MYCBP2: variants seen among roughly 807,000 people sequenced by gnomAD.
The protein encoded by MYCBP2 is MYC binding protein 2.
MYCBP2 carries 120 observed loss-of-function variants against 525.3 expected under a neutral mutation model. The ratio of observed to expected loss-of-function variants is 0.23; its 90% CI spans 0.20 to 0.27. The LOEUF (loss-of-function observed/expected upper bound fraction) is 0.27, where lower values mean the gene tolerates loss of function less well. Among genes scored for constraint, MYCBP2 ranks in the 10% least tolerant of loss-of-function variants. The pLI, the probability that MYCBP2 is intolerant of heterozygous loss-of-function variation, is 1.00. For synonymous variants in MYCBP2, 1,894 were observed against 1,955.8 expected (o/e 0.97, Z 0.83); for missense variants, 4,149 against 5,657.1 (o/e 0.73, Z 8.55).
At chr13:77,285,604 T>C (rs932345090) in intron 3 of MYCBP2, among the ~76,000 whole-genome samples, 1 of 152,102 alleles carries the variant, frequency 6.6e-6, no homozygotes, top group African/African-American at 2.4e-5. Context: ...TTTACCAACA[T>C]GGAGAAACCC....
chr13:77,302,737 A>G (rs1057304840), intron 1 of MYCBP2, among the ~76,000 whole-genome samples: 4 of 152,214 alleles, frequency 2.6e-5, no homozygotes, highest in Admixed American at 2.0e-4. Flanking sequence ...CACACTCTCC[A>G]GTGTCCCAAA....
chr13:77,294,131 C>CATATATATATATATATATATACAT, intron 2 of MYCBP2, among the ~76,000 whole-genome samples: 4,058 of 65,442 alleles, frequency 0.062, 364 homozygotes, highest in Non-Finnish European at 0.092. Flanking sequence ...TATATATATA[C>CATATATATATATATATATATACAT]ATATATATAT....
At chr13:77,193,282 AT>A (rs1323425913) in intron 27 of MYCBP2, among the ~76,000 whole-genome samples, 3 of 152,206 alleles carry the variant, frequency 2.0e-5, no homozygotes, top group Admixed American at 1.3e-4. Context: ...TACTAAAAAA[AT>A]CTTGCGATAT....
chr13:77,326,652 G>T lies in MYCBP2; in HGVS notation c.124C>A (p.Pro42Thr), dbSNP rs1427586106. 6.6e-7 allele frequency: 1 copy of T among 1,510,366 alleles called. No individual in the cohort carries two copies. Among genetic ancestry groups the T allele is most frequent in the Non-Finnish European group, 8.8e-7 (1 of 1,133,996 alleles). The allele number at this position is 1,510,366 out of a possible 1,614,324, so 93.6% of individuals were successfully genotyped here. Residue 42 changes from proline to threonine, a missense_variant, in exon 1 of 83, where the codon CCC becomes ACC. By Grantham distance (38) the Pro-to-Thr change is conservative. Around this residue, in one of 21 missense-constraint regions of MYCBP2, gnomAD observed 413 missense variants for 451.2 expected, o/e 0.92. Coordinates refer to ENST00000544440, the MANE Select transcript of MYCBP2 (RefSeq NM_015057.5). The surrounding 1 kb of genome is among the most constrained non-coding windows in gnomAD (Gnocchi z 4.2). ...CCCGCAGCAGCCACGGAGCCGTCGG[G>T]AACCGGCATGAACAGCGCCCCCGGC... The part of the protein sequence containing the change: ...PAPGALFMPV[P>T]DGSVAAAGLG...
intron 2 of MYCBP2, among the ~76,000 whole-genome samples, chr13:77,290,659 A>G (rs1404655604): frequency 6.6e-6 from 1 of 152,222 alleles, no homozygotes; most frequent in Non-Finnish European, 1.5e-5. Flanking sequence ...TAAAATGGCA[A>G]AATTATAAAT....
chr13:77,279,881 T>C (rs1473848826), intron 3 of MYCBP2, among the ~76,000 whole-genome samples: 4 of 152,200 alleles, frequency 2.6e-5, no homozygotes, highest in Non-Finnish European at 4.4e-5. Context: ...CATTACAGTA[T>C]AACTATTTTT....
chr13:77,117,648 A>G (rs1378005675), intron 55 of MYCBP2, among the ~76,000 whole-genome samples: 2 of 152,198 alleles, frequency 1.3e-5, no homozygotes, highest in African/African-American at 4.8e-5. Context: ...ATGTGTTTAT[A>G]TATTGTATAG....
intron 3 of MYCBP2, among the ~76,000 whole-genome samples, chr13:77,279,474 T>C (rs928274267): frequency 1.3e-5 from 2 of 152,126 alleles, no homozygotes; most frequent in Non-Finnish European, 2.9e-5. Flanking sequence ...CAAATTGCAA[T>C]GAATGAGTTT....
At position 77,288,322 on chromosome 13, in the gene MYCBP2, G is replaced by T. The variant is rs2077101016; in HGVS notation, c.433C>A (p.Pro145Thr). The change falls in exon 3 of 83, where the codon CCT becomes ACT. Residue 145 changes from proline (P) to threonine (T), a missense_variant. Coordinates refer to ENST00000544440, the MANE Select transcript of MYCBP2 (RefSeq NM_015057.5). ...TTACAGTAAATATTGAAAGCAGAAGGATTGCTATGTAGTTTGATATCTGGT... is the reference window on the plus strand; with the variant it reads ...TTACAGTAAATATTGAAAGCAGAAGTATTGCTATGTAGTTTGATATCTGGT... Reference protein sequence around the residue: ...IIPDIKLHSNPSAFNIYCNVR... With the variant: ...IIPDIKLHSNTSAFNIYCNVR... 6.2e-7 allele frequency: 1 copy of T among 1,614,026 alleles called. No individual in the cohort carries two copies. Among genetic ancestry groups the T allele is most frequent in the African/African-American group, 1.3e-5 (1 of 74,922 alleles).
In MYCBP2 at chr13:77,087,649, T is replaced by A; in HGVS notation, c.10726-16A>T. 1 of 1,603,356 alleles carries A rather than the reference T, an allele frequency of 6.2e-7. No individual in the cohort carries two copies. Among genetic ancestry groups the A allele is most frequent in the South Asian group, 1.1e-5 (1 of 89,374 alleles). Reference sequence around the variant, plus strand: ...AGTTGAAAGCCTGAAGAAATGACGGTTAAATGAGTTCAAGAATAAAATACA... The same window carrying A: ...AGTTGAAAGCCTGAAGAAATGACGGATAAATGAGTTCAAGAATAAAATACA... On this transcript the variant is annotated splice_polypyrimidine_tract_variant and intron_variant, in intron 61 of 82. Transcript: ENST00000544440.
intron 3 of MYCBP2, among the ~76,000 whole-genome samples, chr13:77,287,316 C>T (rs2076974928): frequency 6.6e-6 from 1 of 151,856 alleles, no homozygotes; most frequent in Non-Finnish European, 1.5e-5. Context: ...CTCTGAGTAG[C>T]TGGGATTATA....
At chr13:77,232,883 T>G (rs2067320934) in intron 18 of MYCBP2, among the ~76,000 whole-genome samples, 1 of 152,200 alleles carries the variant, frequency 6.6e-6, no homozygotes, top group African/African-American at 2.4e-5. Context: ...TTTTCCACCT[T>G]CCCTTAACTT....
intron 2 of MYCBP2, among the ~76,000 whole-genome samples, chr13:77,295,495 T>C (rs1361818490): frequency 6.6e-6 from 1 of 152,164 alleles, no homozygotes; most frequent in African/African-American, 2.4e-5. Context: ...ATAAATGCCA[T>C]CCCCCAACCT....
chr13:77,224,281 T>A (rs2065967450), intron 20 of MYCBP2, among the ~76,000 whole-genome samples, 170 bp downstream of exon 20: 1 of 152,060 alleles, frequency 6.6e-6, no homozygotes, highest in South Asian at 2.1e-4. Context: ...CACTCAACCA[T>A]AAGATCAGAA....
chr13:77,292,247 CA>C (rs770955901), intron 2 of MYCBP2, among the ~76,000 whole-genome samples: 5 of 152,174 alleles, frequency 3.3e-5, no homozygotes, highest in Non-Finnish European at 7.3e-5. Context: ...CTATACATCA[CA>C]AACACATACC....
chr13:77,177,617 C>CTTT (rs1443128910), intron 35 of MYCBP2, 131 bp downstream of exon 35: 75 of 761,628 alleles, frequency 9.8e-5, no homozygotes, highest in Non-Finnish European at 1.5e-4. Context: ...CCACTGTGGC[C>CTTT]AGTCTTTTTC....
At chr13:77,201,587 T>A (rs2062571209) in intron 26 of MYCBP2, among the ~76,000 whole-genome samples, 1 of 150,930 alleles carries the variant, frequency 6.6e-6, no homozygotes, top group Non-Finnish European at 1.5e-5. Flanking sequence ...CAACAGAATA[T>A]ACATTTTTTT....
In MYCBP2 at chr13:77,062,774, C is replaced by T. The variant is rs2039531368; in HGVS notation, c.12673-77G>A. 6 of 1,111,974 alleles carry T rather than the reference C, an allele frequency of 5.4e-6. No homozygotes were observed. In the East Asian group the frequency reaches 1.2e-4, roughly 22 times the overall value. The allele number at this position is 1,111,974 out of a possible 1,614,324, so 68.9% of individuals were successfully genotyped here. A position where few individuals can be genotyped will look rare whatever the true frequency, so the allele number is the denominator to read the frequency against. ...AAATGCTGACTGTGACACATCACAA[C>T]AGCTCAATAAATGCTGGCTGATTTT... On this transcript the variant is annotated intron_variant, in intron 73 of 82. Transcript: ENST00000544440.
rs561497109 is a variant in MYCBP2, at chr13:77,276,100, G to A, written c.749-2432C>T. The stretch of plus-strand genomic sequence containing the variant: ...GCTAAGTTCCATAATAACAGCAATA[G>A]TATCGCACATTCTTAGCACATAACA... On this transcript the variant is annotated intron_variant, in intron 4 of 82. Transcript: ENST00000544440. 5.3e-5 allele frequency among the ~76,000 whole-genome samples: 8 copies of A among 152,292 alleles called. No homozygotes were observed. In the South Asian group the frequency reaches 1.7e-3, roughly 32 times the overall value.
Sources: allele counts gnomAD v4.1 joint callset (sites outside exome capture counted in the v4.1 genomes callset), GRCh38; gene constraint gnomAD v4.1.1; regional missense constraint gnomAD v4.1.1; non-coding constraint Gnocchi (gnomAD v3.1); transcripts MANE v1.5; gene names NCBI Gene and HGNC (gene_info 2026-07-23, HGNC 2026-07-21).